BBOX1: variants seen among roughly 807,000 people sequenced by gnomAD.
The protein encoded by BBOX1 is gamma-butyrobetaine hydroxylase 1, also known as gamma-butyrobetaine dioxygenase.
BBOX1 carries 35 observed loss-of-function variants against 41.6 expected under a neutral mutation model. That is an observed-to-expected ratio of 0.84 (90% CI 0.64 to 1.11). The LOEUF (loss-of-function observed/expected upper bound fraction) is 1.11, where lower values mean the gene tolerates loss of function less well. BBOX1 is among the 50% of genes most tolerant of loss of function. BBOX1 has a pLI of 0.00. For missense variants in BBOX1, 458 were observed against 460.6 expected, an observed-to-expected ratio of 0.99 and a Z score of 0.05; for synonymous variants, 163 against 154.7, an observed-to-expected ratio of 1.05 and a Z score of -0.40.
intron 4 of BBOX1, among the ~76,000 whole-genome samples, chr11:27,092,853 G>T (rs1305006278): frequency 6.6e-6 from 1 of 151,930 alleles, no homozygotes; most frequent in Non-Finnish European, 1.5e-5. Context: ...TCTAAGCAGT[G>T]TCCATGAAGA....
At chr11:27,089,924 C>A (rs1458310794) in intron 4 of BBOX1, among the ~76,000 whole-genome samples, 2 of 151,948 alleles carry the variant, frequency 1.3e-5, no homozygotes, top group Non-Finnish European at 2.9e-5. Context: ...CCTCTTCCTG[C>A]CAACCTTTTT....
At chr11:27,122,767 A>G (rs10501076) in intron 7 of BBOX1, among the ~76,000 whole-genome samples, 5,063 of 152,104 alleles carry the variant, frequency 0.033, 128 homozygotes, top group South Asian at 0.11. Flanking sequence ...GTGGAAGATC[A>G]TTTTAAAAGT....
intron 4 of BBOX1, among the ~76,000 whole-genome samples, chr11:27,087,872 G>A (rs1554941377): frequency 2.0e-5 from 3 of 151,928 alleles, no homozygotes; most frequent in Non-Finnish European, 4.4e-5. Context: ...TTGAAGAACT[G>A]AAAAACCATT....
At chr11:27,106,775 C>T (rs1403176282) in intron 5 of BBOX1, among the ~76,000 whole-genome samples, 2 of 152,004 alleles carry the variant, frequency 1.3e-5, no homozygotes, top group African/African-American at 2.4e-5. Flanking sequence ...CCCAAATCAA[C>T]AGAATATACA....
intron 4 of BBOX1, among the ~76,000 whole-genome samples, chr11:27,091,871 C>T (rs536312707): frequency 7.9e-5 from 12 of 151,948 alleles, no homozygotes; most frequent in Non-Finnish European, 1.3e-4. Flanking sequence ...TAGCAATTTT[C>T]GTCCTGGAAA....
intron 5 of BBOX1, among the ~76,000 whole-genome samples, chr11:27,103,584 TTTTTC>T (rs1858748830): frequency 6.6e-6 from 1 of 152,006 alleles, no homozygotes; most frequent in Admixed American, 6.6e-5. Context: ...TTTTTAAATT[TTTTTC>T]TTTTCTTAAT....
chr11:27,067,162 G>A (rs773090941), intron 4 of BBOX1, among the ~76,000 whole-genome samples: 3 of 152,146 alleles, frequency 2.0e-5, no homozygotes, highest in Non-Finnish European at 4.4e-5. Flanking sequence ...GTGGTTGTAA[G>A]TAATTATAGA....
At chr11:27,065,298 G>A (rs1242302979) in intron 4 of BBOX1, among the ~76,000 whole-genome samples, 3 of 152,194 alleles carry the variant, frequency 2.0e-5, no homozygotes, top group Non-Finnish European at 4.4e-5. Flanking sequence ...TATCTCAAAT[G>A]CATGTCAATT....
intron 1 of BBOX1, 55 bp downstream of exon 1, chr11:27,041,083 G>T (rs1233606072): frequency 6.6e-6 from 1 of 151,944 alleles, no homozygotes; most frequent in Non-Finnish European, 1.5e-5. Context: ...GCAATGCTTT[G>T]CATTGAGTCC....
At chr11:27,099,910 T>C (rs766686425) in intron 5 of BBOX1, among the ~76,000 whole-genome samples, 9 of 152,120 alleles carry the variant, frequency 5.9e-5, no homozygotes, top group Non-Finnish European at 1.2e-4. Flanking sequence ...GCAGGCTTCA[T>C]TGGATAAATA....
At chr11:27,071,809 A>C (rs972140592) in intron 4 of BBOX1, among the ~76,000 whole-genome samples, 1 of 152,206 alleles carries the variant, frequency 6.6e-6, no homozygotes, top group African/African-American at 2.4e-5. Flanking sequence ...AACAGAACCA[A>C]AGACAAAAAC....
rs1339324987 is a variant in BBOX1, at chr11:27,126,067, A to T, written c.1003+247A>T. 2.0e-5 allele frequency among the ~76,000 whole-genome samples: 3 copies of T among 152,200 alleles called. No individual in the cohort carries two copies. In the East Asian group the frequency reaches 5.8e-4, roughly 29 times the overall value. On this transcript the variant is annotated intron_variant, in intron 8 of 8. Transcript: ENST00000263182. ...ATTCTTACTCTAACACACACAAGTG[A>T]TGCTTACTCATTAGGCTTTACTAGT...
intron 4 of BBOX1, among the ~76,000 whole-genome samples, chr11:27,080,920 A>G (rs944270147): frequency 1.3e-5 from 2 of 152,156 alleles, no homozygotes; most frequent in African/African-American, 4.8e-5. Context: ...CAGCAGGCAC[A>G]CGATGTTAAA....
In BBOX1 at chr11:27,055,415, C is replaced by A. The variant is rs536072159; in HGVS notation, c.-16C>A. The stretch of plus-strand genomic sequence containing the variant: ...TAGCAGGTAGCTGACAGCATCTACT[C>A]CTGAAGACCGGAAACATGGCTTGTA... On this transcript the variant is annotated 5_prime_UTR_variant, in exon 3 of 9. Transcript: ENST00000263182. The A allele has an allele frequency of 1.9e-6, 3 of 1,610,560 alleles. No homozygotes were observed. In the Admixed American group the frequency reaches 5.0e-5, roughly 27 times the overall value.
intron 5 of BBOX1, among the ~76,000 whole-genome samples, chr11:27,101,354 C>T (rs1327957700): frequency 1.3e-5 from 2 of 152,042 alleles, no homozygotes; most frequent in African/African-American, 4.8e-5. Flanking sequence ...AATCAGAAAA[C>T]ATTTTATTCA....
At chr11:27,111,407 C>T (rs1859058299) in intron 5 of BBOX1, among the ~76,000 whole-genome samples, 1 of 151,942 alleles carries the variant, frequency 6.6e-6, no homozygotes, top group African/African-American at 2.4e-5. Flanking sequence ...TGCTCAGTAT[C>T]TGGGGATGGG....
intron 2 of BBOX1, among the ~76,000 whole-genome samples, chr11:27,050,291 T>G (rs994820301): frequency 6.6e-6 from 1 of 152,158 alleles, no homozygotes; most frequent in Non-Finnish European, 1.5e-5. Context: ...AATGTGATAG[T>G]TCCAACTCTG....
rs888761036 is a variant in BBOX1, at chr11:27,055,612, A to G, written c.182A>G (p.Asn61Ser). ...RKLLVEALDV[N>S]IGIKGLIFDR... ...CTTCTAGTGGAAGCTCTTGATGTGA[A>G]CATTGGAATTAAAGGCTTGATATTT... The change falls in exon 3 of 9, where the codon AAC (asparagine) becomes AGC (serine). Residue 61 changes from asparagine to serine, a missense_variant. By Grantham distance (46) the Asn-to-Ser change is conservative. Coordinates refer to ENST00000263182, the MANE Select transcript of BBOX1 (RefSeq NM_003986.3). The G allele has an allele frequency of 1.9e-6, 3 of 1,614,024 alleles. No homozygotes were observed. Among genetic ancestry groups the G allele is most frequent in the Admixed American group, 1.7e-5 (1 of 60,010 alleles).
At chr11:27,097,198 C>CCT (rs550002375) in intron 5 of BBOX1, among the ~76,000 whole-genome samples, 43 of 151,786 alleles carry the variant, frequency 2.8e-4, no homozygotes, top group Non-Finnish European at 5.7e-4. Flanking sequence ...GGCCAAAATG[C>CCT]CTCATCTCAT....
Sources: gnomAD v4.1 joint callset for allele counts (sites outside exome capture counted in the v4.1 genomes callset) on GRCh38, gnomAD v4.1.1 for gene constraint, MANE v1.5 for transcripts, NCBI Gene and HGNC (gene_info 2026-07-23, HGNC 2026-07-21) for gene names.